The following MGAT4C variants were observed in gnomAD, a reference collection of about 807,000 sequenced individuals.
MGAT4C encodes the protein alpha-1,3-mannosyl-glycoprotein 4-beta-N-acetylglucosaminyltransferase C.
Under a neutral mutation model 40.1 loss-of-function variants are expected in MGAT4C, and 19 were observed. That is an observed-to-expected ratio of 0.47 (90% CI 0.33 to 0.70). MGAT4C has a LOEUF of 0.70. Ranked by LOEUF, MGAT4C falls within the 30% of genes least tolerant of loss-of-function variation. MGAT4C has a pLI of 0.02. For missense variants in MGAT4C, 491 were observed against 563.2 expected, an observed-to-expected ratio of 0.87 and a Z score of 1.30; for synonymous variants, 181 against 187.1, an observed-to-expected ratio of 0.97 and a Z score of 0.27.
At chr12:86,418,338 C>T (rs1212378983) in intron 3 of MGAT4C, among the ~76,000 whole-genome samples, 1 of 152,102 alleles carries the variant, frequency 6.6e-6, no homozygotes, top group East Asian at 1.9e-4. Flanking sequence ...CACAGTGGCT[C>T]ATGCCTATAA....
At position 86,440,775 on chromosome 12, in the gene MGAT4C, AG is replaced by A. The variant is rs1347243492; in HGVS notation, c.-228-5511del. Among the ~76,000 whole-genome samples, 11 of 152,282 alleles carry A rather than the reference AG, an allele frequency of 7.2e-5. No homozygotes were observed. In the East Asian group the frequency reaches 2.1e-3, roughly 29 times the overall value. On this transcript the variant is annotated intron_variant, in intron 2 of 7. Transcript: ENST00000548651. ...TAGAGTTGATAAATAAATTTAGTAA[AG>A]TCTTGGGTTACAATATCAATATACA...
chr12:86,039,833 C>A (rs867348547), intron 2 of MGAT4C, among the ~76,000 whole-genome samples: 1 of 152,160 alleles, frequency 6.6e-6, no homozygotes, highest in Non-Finnish European at 1.5e-5. Flanking sequence ...AGCCTTTTTG[C>A]ATTGGTTTTT....
intron 1 of MGAT4C, among the ~76,000 whole-genome samples, chr12:86,180,143 T>C (rs1170023934): frequency 6.6e-6 from 1 of 152,156 alleles, no homozygotes; most frequent in Non-Finnish European, 1.5e-5. Context: ...GGGCTCTGGG[T>C]TTAGAGGGTG....
intron 1 of MGAT4C, among the ~76,000 whole-genome samples, chr12:86,101,652 T>A (rs1188801842): frequency 1.3e-5 from 2 of 151,838 alleles, no homozygotes; most frequent in Admixed American, 6.6e-5. Flanking sequence ...TTTACAATCA[T>A]CTATGTAGGT....
At chr12:86,170,503 T>C (rs1234639421) in intron 1 of MGAT4C, among the ~76,000 whole-genome samples, 1 of 152,228 alleles carries the variant, frequency 6.6e-6, no homozygotes, top group Admixed American at 6.5e-5. Context: ...TATGCATTAG[T>C]ACTGTGTGCT....
At chr12:86,543,200 TAAAG>T (rs752067710) in intron 2 of MGAT4C, among the ~76,000 whole-genome samples, 13 of 151,810 alleles carry the variant, frequency 8.6e-5, no homozygotes, top group Non-Finnish European at 1.8e-4. Flanking sequence ...GATAAAATGA[TAAAG>T]AAATTACATA....
intron 4 of MGAT4C, among the ~76,000 whole-genome samples, chr12:86,292,446 T>TG (rs1409376727): frequency 2.0e-5 from 3 of 151,728 alleles, no homozygotes; most frequent in African/African-American, 7.3e-5. Context: ...TACTACTTTT[T>TG]TTTTTAGTGA....
Position 85,971,895 on chromosome 12 carries a change from A to G in MGAT4C, c.*7394T>C, listed in dbSNP as rs2136660068. 1 of 151,360 alleles carries G rather than the reference A, an allele frequency of 6.6e-6. No homozygotes were observed. 9.4% of individuals were successfully genotyped at this position (151,360 alleles called of 1,614,324 possible). ...AATAATTGAAAGGAGTACTTTGTCA[A>G]TAGTCAGAATTGAATGAGAGATAGG... On this transcript the variant is annotated 3_prime_UTR_variant, in exon 5 of 5. Transcript: ENST00000611864.
At chr12:86,041,395 C>T (rs1891825138) in intron 2 of MGAT4C, among the ~76,000 whole-genome samples, 1 of 151,974 alleles carries the variant, frequency 6.6e-6, no homozygotes, top group South Asian at 2.1e-4. Context: ...TTCTGCAGTT[C>T]CCCTAGGTCT....
intron 1 of MGAT4C, among the ~76,000 whole-genome samples, chr12:86,806,114 C>A (rs1052053946): frequency 6.6e-6 from 1 of 151,412 alleles, no homozygotes; most frequent in Non-Finnish European, 1.5e-5. Flanking sequence ...TAAAAAAAAA[C>A]CTTTTTATTC....
intron 3 of MGAT4C, among the ~76,000 whole-genome samples, chr12:86,359,321 T>C (rs1022678831): frequency 6.6e-6 from 1 of 152,112 alleles, no homozygotes; most frequent in African/African-American, 2.4e-5. Flanking sequence ...GGGACACATT[T>C]AAAGCCGTGT....
chr12:86,410,148 G>C (rs1028620148), intron 3 of MGAT4C, among the ~76,000 whole-genome samples: 9 of 152,150 alleles, frequency 5.9e-5, no homozygotes, highest in African/African-American at 2.2e-4. Context: ...GTTCGGCTGT[G>C]CACGTATTGT....
intron 2 of MGAT4C, among the ~76,000 whole-genome samples, chr12:86,541,090 A>C (rs1306211654): frequency 6.6e-6 from 1 of 152,192 alleles, no homozygotes; most frequent in Non-Finnish European, 1.5e-5. Flanking sequence ...GTAACACTAA[A>C]GGTCTAAGTT....
chr12:86,693,610 T>C (rs1447342741), intron 2 of MGAT4C, among the ~76,000 whole-genome samples: 1 of 152,132 alleles, frequency 6.6e-6, no homozygotes, highest in African/African-American at 2.4e-5. Flanking sequence ...CAAGTTATTC[T>C]TGAAAAACAA....
intron 2 of MGAT4C, among the ~76,000 whole-genome samples, chr12:86,456,840 C>T (rs1436574206): frequency 6.6e-6 from 1 of 152,052 alleles, no homozygotes; most frequent in Non-Finnish European, 1.5e-5. Context: ...ATTATGAGCT[C>T]TCTATCTTAC....
chr12:86,624,590 C>T (rs1324840038), intron 2 of MGAT4C, among the ~76,000 whole-genome samples: 1 of 152,004 alleles, frequency 6.6e-6, no homozygotes, highest in Non-Finnish European at 1.5e-5. Flanking sequence ...ATGAAAGTCC[C>T]TACACAATCA....
At chr12:86,223,748 G>A (rs1950970071) in intron 1 of MGAT4C, among the ~76,000 whole-genome samples, 1 of 152,128 alleles carries the variant, frequency 6.6e-6, no homozygotes, top group Admixed American at 6.6e-5. Flanking sequence ...CCCTGTTGGT[G>A]CCTGAACACT....
At chr12:86,050,285 G>C (rs527627245) in intron 1 of MGAT4C, among the ~76,000 whole-genome samples, 2 of 151,936 alleles carry the variant, frequency 1.3e-5, no homozygotes, top group Non-Finnish European at 2.9e-5. Context: ...GTTTGCTATT[G>C]AATGTCTGCC....
At chr12:86,544,999 T>G (rs1959185950) in intron 2 of MGAT4C, among the ~76,000 whole-genome samples, 1 of 152,070 alleles carries the variant, frequency 6.6e-6, no homozygotes, top group Non-Finnish European at 1.5e-5. Flanking sequence ...TCTTTTATTT[T>G]TTATAAGTTA....
Sources: allele counts gnomAD v4.1 joint callset (sites outside exome capture counted in the v4.1 genomes callset), GRCh38; gene constraint gnomAD v4.1.1; transcripts MANE v1.5; gene names NCBI Gene and HGNC (gene_info 2026-07-23, HGNC 2026-07-21).